The following FAF1 variants were observed in gnomAD, a reference collection of about 807,000 sequenced individuals.
The protein encoded by FAF1 is Fas associated factor 1.
Under a neutral mutation model 92.5 loss-of-function variants are expected in FAF1, and 25 were observed. The ratio of observed to expected loss-of-function variants is 0.27; its 90% CI spans 0.20 to 0.38. FAF1 has a LOEUF of 0.38. FAF1 is among the 10% of genes least tolerant of loss of function. FAF1 has a pLI of 1.00. For synonymous variants in FAF1, 234 were observed against 273.2 expected, an observed-to-expected ratio of 0.86 and a Z score of 1.42; for missense variants, 636 against 793.3, an observed-to-expected ratio of 0.80 and a Z score of 2.38.
At chr1:50,696,533 G>A (rs1657234257) in intron 7 of FAF1, among the ~76,000 whole-genome samples, 1 of 152,096 alleles carries the variant, frequency 6.6e-6, no homozygotes, top group South Asian at 2.1e-4. Flanking sequence ...AAGTTTTTAG[G>A]AAATTATAAT....
At chr1:50,473,007 A>T (rs1352989632) in intron 18 of FAF1, among the ~76,000 whole-genome samples, 2 of 152,146 alleles carry the variant, frequency 1.3e-5, no homozygotes, top group African/African-American at 4.8e-5. Context: ...GGCCTAGAGC[A>T]TCTGTTCTCA....
chr1:50,740,217 G>A (rs1007576112), intron 5 of FAF1, among the ~76,000 whole-genome samples: 9 of 152,088 alleles, frequency 5.9e-5, no homozygotes, highest in Non-Finnish European at 1.2e-4. Context: ...AAATAAAGCA[G>A]GGAAGGGGGG....
chr1:50,575,227 A>C (rs1650670938), intron 12 of FAF1, among the ~76,000 whole-genome samples: 1 of 152,068 alleles, frequency 6.6e-6, no homozygotes, highest in Non-Finnish European at 1.5e-5. Context: ...TGTATGTCTA[A>C]ACTAGTAAGT....
chr1:50,739,977 A>G (rs903443964), intron 5 of FAF1, among the ~76,000 whole-genome samples: 2 of 151,996 alleles, frequency 1.3e-5, no homozygotes, highest in Non-Finnish European at 2.9e-5. Context: ...ACCAATACAC[A>G]TTAAGAAATA....
rs140506622 is a variant in FAF1 at position 50,738,953 on chromosome 1, G to A, written c.461C>T (p.Thr154Met). 38 of 1,568,244 alleles carry A rather than the reference G, an allele frequency of 2.4e-5. No individual in the cohort carries two copies. The highest frequency in any genetic ancestry group is 4.8e-5 in the South Asian group (4 of 83,858). ...GWKTGDVEDS[T>M]VLKSLHLPKN... ...TGGCAAGTGTAGAGATTTTAGGACCGTCTGAAAAAGAAAAAACACAGCAAA... is the reference window on the plus strand; with the variant it reads ...TGGCAAGTGTAGAGATTTTAGGACCATCTGAAAAAGAAAAAACACAGCAAA... Residue 154 changes from threonine (T) to methionine (M), a missense_variant and splice_region_variant, in exon 6 of 19, where the codon ACG (threonine) becomes ATG (methionine). Thr to Met is a moderately conservative substitution (Grantham distance 81, BLOSUM62 -1). Around this residue, in one of 2 missense-constraint regions of FAF1, gnomAD observed 317 missense variants for 342.4 expected, o/e 0.93. Transcript: ENST00000396153.
At chr1:50,783,974 C>T (rs1369554835) in intron 4 of FAF1, among the ~76,000 whole-genome samples, 1 of 152,128 alleles carries the variant, frequency 6.6e-6, no homozygotes, top group Non-Finnish European at 1.5e-5. Context: ...AAACAAAAAG[C>T]TTTTGACAGA....
rs779424615 is a variant in FAF1, at chr1:50,596,158, C to T, written c.803G>A (p.Arg268Lys). 1.2e-6 allele frequency: 2 copies of T among 1,613,918 alleles called. No homozygotes were observed. Among genetic ancestry groups the T allele is most frequent in the Admixed American group, 3.3e-5 (2 of 59,990 alleles). Residue 268 changes from arginine (R) to lysine (K), a missense_variant, in exon 9 of 19, where the codon AGA (arginine) becomes AAA (lysine). This residue lies in a region of FAF1 where 317 missense variants were observed against 342.4 expected (regional missense o/e 0.93). Transcript: ENST00000396153. ...YPCHRLTVGR[R>K]SSPAQTREQS... ...TTCCCGGGTCTGTGCAGGTGAAGAT[C>T]TTCTTCCCACTGTAAGTCGATGGCA...
chr1:50,621,105 G>A (rs1051136710), intron 8 of FAF1, among the ~76,000 whole-genome samples: 2 of 152,236 alleles, frequency 1.3e-5, no homozygotes, highest in Non-Finnish European at 2.9e-5. Context: ...GTTGGTCTTA[G>A]ATCTTGGCTC....
chr1:50,847,252 A>G (rs534194146), intron 2 of FAF1, among the ~76,000 whole-genome samples: 4 of 152,122 alleles, frequency 2.6e-5, no homozygotes, highest in Admixed American at 2.0e-4. Context: ...TTGATAATAA[A>G]CGTGATTTTA....
chr1:50,568,796 C>T (rs137984542), intron 12 of FAF1, among the ~76,000 whole-genome samples: 1 of 152,212 alleles, frequency 6.6e-6, no homozygotes, highest in Non-Finnish European at 1.5e-5. Context: ...AAATCAACCA[C>T]ACTGTAGTCA....
chr1:50,805,995 T>C (rs1161644840), intron 2 of FAF1, among the ~76,000 whole-genome samples: 2 of 150,428 alleles, frequency 1.3e-5, no homozygotes, highest in East Asian at 1.9e-4. Context: ...GGTAGGCAAA[T>C]GATGAAAAAT....
At chr1:50,595,790 G>C (rs12076862) in intron 9 of FAF1, among the ~76,000 whole-genome samples, 5,193 of 151,982 alleles carry the variant, frequency 0.034, 292 homozygotes, top group African/African-American at 0.12. Flanking sequence ...TGCTCTGCCT[G>C]TCTCGGCCAT....
chr1:50,568,828 T>C (rs1323103845), intron 12 of FAF1, among the ~76,000 whole-genome samples: 2 of 152,164 alleles, frequency 1.3e-5, no homozygotes, highest in Non-Finnish European at 2.9e-5. Context: ...AGCACTCATA[T>C]AACATGAAGA....
chr1:50,581,287 A>C (rs1393569301), intron 12 of FAF1, among the ~76,000 whole-genome samples: 1 of 152,168 alleles, frequency 6.6e-6, no homozygotes, highest in Non-Finnish European at 1.5e-5. Context: ...AATTTGATTA[A>C]TCATCTTGGA....
chr1:50,678,443 C>A (rs12123326), intron 7 of FAF1, among the ~76,000 whole-genome samples: 1 of 152,156 alleles, frequency 6.6e-6, no homozygotes, highest in Non-Finnish European at 1.5e-5. Context: ...GCCAGATTTT[C>A]TTCTCCAGAT....
chr1:50,669,839 A>C (rs1655788721), intron 7 of FAF1, among the ~76,000 whole-genome samples: 1 of 152,212 alleles, frequency 6.6e-6, no homozygotes, highest in African/African-American at 2.4e-5. Context: ...TTTAAACTTT[A>C]GGCTGGGCGC....
At chr1:50,887,487 T>A (rs1482836366) in intron 1 of FAF1, among the ~76,000 whole-genome samples, 1 of 152,238 alleles carries the variant, frequency 6.6e-6, no homozygotes, top group African/African-American at 2.4e-5. Context: ...CTACATTTTC[T>A]TCTAGGGTTT....
intron 7 of FAF1, among the ~76,000 whole-genome samples, chr1:50,691,422 T>C (rs1656918360): frequency 2.0e-5 from 3 of 151,712 alleles, no homozygotes; most frequent in African/African-American, 7.3e-5. Flanking sequence ...TTTGTGTTAT[T>C]AGTAGAGATG....
intron 6 of FAF1, among the ~76,000 whole-genome samples, chr1:50,729,471 A>G (rs1162226221): frequency 6.6e-6 from 1 of 151,518 alleles, no homozygotes; most frequent in Non-Finnish European, 1.5e-5. Flanking sequence ...ATAAGCAGCA[A>G]TCCTAGCTCA....
Sources: gnomAD v4.1 joint callset for allele counts (sites outside exome capture counted in the v4.1 genomes callset) on GRCh38, gnomAD v4.1.1 for gene constraint, gnomAD v4.1.1 regional missense constraint, MANE v1.5 for transcripts, NCBI Gene and HGNC (gene_info 2026-07-23, HGNC 2026-07-21) for gene names.